Variants in DTNB observed in about 807,000 individuals in gnomAD.
DTNB encodes the protein DTN-B.
Under a neutral mutation model 90.7 loss-of-function variants are expected in DTNB, and 63 were observed. The observed-to-expected ratio is 0.69, with a 90% CI of 0.57 to 0.86. The LOEUF (loss-of-function observed/expected upper bound fraction) is 0.86, where lower values mean the gene tolerates loss of function less well. Ranked by LOEUF, DTNB falls within the 40% of genes least tolerant of loss-of-function variation. The pLI is 0.00. For synonymous variants in DTNB, 277 were observed against 286.7 expected (o/e 0.97, Z 0.34); for missense variants, 744 against 807.1 (o/e 0.92, Z 0.95).
At chr2:25,416,995 G>A (rs934713031) in intron 16 of DTNB, among the ~76,000 whole-genome samples, 2 of 152,112 alleles carry the variant, frequency 1.3e-5, no homozygotes, top group East Asian at 1.9e-4. Context: ...ATTGAATTAC[G>A]TAAAGTCATT....
intron 4 of DTNB, among the ~76,000 whole-genome samples, chr2:25,617,901 TATTA>T (rs1212591943): frequency 6.6e-6 from 1 of 152,096 alleles, no homozygotes; most frequent in Non-Finnish European, 1.5e-5. Context: ...AAAAGAAACT[TATTA>T]AAGATACCTA....
chr2:25,640,225 A>G (rs2077955531), intron 2 of DTNB, among the ~76,000 whole-genome samples: 1 of 152,114 alleles, frequency 6.6e-6, no homozygotes. Flanking sequence ...TTTTAAGACC[A>G]CTGTAGATAG....
chr2:25,580,611 G>C, intron 7 of DTNB, 110 bp downstream of exon 7: 1 of 1,057,688 alleles, frequency 9.5e-7, no homozygotes, highest in Non-Finnish European at 1.4e-6. Context: ...CAGAATGACA[G>C]CAAATGTCAA....
Position 25,541,278 on chromosome 2 carries a change from A to G in DTNB, c.877-9681T>C, listed in dbSNP as rs183203344. On this transcript the variant is annotated intron_variant, in intron 8 of 20. Transcript: ENST00000406818. Reference sequence around the variant, plus strand: ...TGGATCACCTGAGGTCAGGAGTCCAAGACCAGCCTGGTCAACATGGTGAAA... The same window carrying G: ...TGGATCACCTGAGGTCAGGAGTCCAGGACCAGCCTGGTCAACATGGTGAAA... Among the ~76,000 whole-genome samples, 12 of 152,202 alleles carry G rather than the reference A, an allele frequency of 7.9e-5. No homozygotes were observed. The East Asian group carries it at 1.9e-3, about 25-fold the overall frequency.
intron 4 of DTNB, among the ~76,000 whole-genome samples, chr2:25,622,984 G>A (rs952930247): frequency 1.3e-5 from 2 of 152,126 alleles, no homozygotes; most frequent in South Asian, 4.1e-4. Context: ...TTAATGAGCA[G>A]AAAGGCAGAT....
chr2:25,591,271 T>C (rs2063524119), intron 6 of DTNB, among the ~76,000 whole-genome samples: 1 of 152,190 alleles, frequency 6.6e-6, no homozygotes, highest in Non-Finnish European at 1.5e-5. Flanking sequence ...CGGCTGCAGC[T>C]GCGCCCAGGG....
chr2:25,671,953 G>A (rs1268171636), intron 1 of DTNB, among the ~76,000 whole-genome samples: 1 of 151,992 alleles, frequency 6.6e-6, no homozygotes, highest in Non-Finnish European at 1.5e-5. Flanking sequence ...TAAGACCCAA[G>A]AACCAGGACC....
At chr2:25,467,440 A>C (rs1051585111) in intron 10 of DTNB, among the ~76,000 whole-genome samples, 1 of 151,944 alleles carries the variant, frequency 6.6e-6, no homozygotes, top group Non-Finnish European at 1.5e-5. Flanking sequence ...CTGGGACTAC[A>C]GGCGGGTAAC....
intron 8 of DTNB, among the ~76,000 whole-genome samples, chr2:25,560,468 G>A (rs916098397): frequency 6.6e-6 from 1 of 152,164 alleles, no homozygotes; most frequent in Non-Finnish European, 1.5e-5. Context: ...ACCCAGCCCT[G>A]AATAAGAAAA....
At chr2:25,382,657 T>C (rs1176696015) in intron 19 of DTNB, among the ~76,000 whole-genome samples, 2 of 150,760 alleles carry the variant, frequency 1.3e-5, no homozygotes, top group African/African-American at 4.9e-5. Flanking sequence ...GCCTCCCGAG[T>C]AGCTGCGATT....
At chr2:25,596,321 A>C in intron 5 of DTNB, 81 bp from the exon 6 acceptor site, 2 of 1,385,812 alleles carry the variant, frequency 1.4e-6, no homozygotes, top group Non-Finnish European at 1.9e-6. Context: ...TTTGTATACC[A>C]AACAAAAAGT....
chr2:25,502,931 A>G (rs2071159963), intron 9 of DTNB, among the ~76,000 whole-genome samples: 1 of 148,754 alleles, frequency 6.7e-6, no homozygotes, highest in African/African-American at 2.5e-5. Flanking sequence ...GCATGAGCCT[A>G]TGGTCCCAGC....
chr2:25,631,590 AG>A (rs1174181155), intron 3 of DTNB, among the ~76,000 whole-genome samples: 4 of 151,928 alleles, frequency 2.6e-5, no homozygotes, highest in African/African-American at 9.7e-5. Context: ...AAAAAAAGAA[AG>A]AAAAAAGAAA....
At chr2:25,668,844 A>C (rs2085140783) in intron 1 of DTNB, among the ~76,000 whole-genome samples, 1 of 150,842 alleles carries the variant, frequency 6.6e-6, no homozygotes, top group South Asian at 2.1e-4. Flanking sequence ...TCATAGCAGC[A>C]CTCCTTGTAA....
intron 8 of DTNB, among the ~76,000 whole-genome samples, chr2:25,560,909 T>C (rs2058163096): frequency 6.6e-6 from 1 of 152,200 alleles, no homozygotes; most frequent in Non-Finnish European, 1.5e-5. Context: ...GAAGCTAATA[T>C]ATCTGTTAAT....
intron 18 of DTNB, among the ~76,000 whole-genome samples, 168 bp from the exon 19 acceptor site, chr2:25,384,057 C>A (rs140295243): frequency 1.4e-4 from 22 of 152,374 alleles, no homozygotes; most frequent in Non-Finnish European, 2.5e-4. Context: ...GTGCGGCCCA[C>A]GCCCCAGCAC....
At chr2:25,407,963 C>T (rs989282549) in intron 16 of DTNB, among the ~76,000 whole-genome samples, 3 of 152,040 alleles carry the variant, frequency 2.0e-5, no homozygotes, top group Non-Finnish European at 2.9e-5. Flanking sequence ...TGACTGGGCA[C>T]GGTAGCAACA....
intron 10 of DTNB, among the ~76,000 whole-genome samples, chr2:25,459,830 G>A (rs962779179): frequency 1.3e-5 from 2 of 152,052 alleles, no homozygotes; most frequent in African/African-American, 4.8e-5. Flanking sequence ...TCATTAGGCC[G>A]GGTGTGGTGG....
At chr2:25,654,308 G>GC (rs2081630569) in intron 1 of DTNB, among the ~76,000 whole-genome samples, 1 of 152,140 alleles carries the variant, frequency 6.6e-6, no homozygotes, top group Non-Finnish European at 1.5e-5. Context: ...GGACAATTTT[G>GC]CCCCCATGGG....
Sources: allele counts gnomAD v4.1 joint callset (sites outside exome capture counted in the v4.1 genomes callset), GRCh38; gene constraint gnomAD v4.1.1; transcripts MANE v1.5; gene names NCBI Gene and HGNC (gene_info 2026-07-23, HGNC 2026-07-21).